Variants in CDKL5 observed in about 807,000 individuals in gnomAD.
CDKL5 encodes cyclin-dependent kinase-like 5.
Under a neutral mutation model 61.7 loss-of-function variants are expected in CDKL5, and 8 were observed. That is an observed-to-expected ratio of 0.13 (90% confidence interval 0.08 to 0.23). CDKL5 has a LOEUF of 0.23. Ranked by LOEUF, CDKL5 falls within the 10% of genes least tolerant of loss-of-function variation. CDKL5 has a pLI of 1.00. For missense variants in CDKL5, 440 were observed against 734.5 expected (o/e 0.60, Z 4.63); for synonymous variants, 275 against 272.3 (o/e 1.01, Z -0.10).
At chrX:18,522,673 T>C (rs1218342681) in intron 3 of CDKL5, among the ~76,000 whole-genome samples, 1 of 110,880 alleles carries the variant, frequency 9.0e-6, no homozygotes, top group Admixed American at 9.7e-5. Context: ...GCTCTGTTAA[T>C]TTCTTTTTTA....
chrX:18,502,728 C>G (rs988385819), intron 1 of CDKL5, among the ~76,000 whole-genome samples: 14 of 111,816 alleles, frequency 1.3e-4, no homozygotes, highest in Non-Finnish European at 1.9e-4. Flanking sequence ...TTATCCGTGC[C>G]AGAACCACCC....
At chrX:18,564,392 C>T (rs1924895520) in intron 3 of CDKL5, 85 bp from the exon 4 acceptor site, 1 of 609,281 alleles carries the variant, frequency 1.6e-6, no homozygotes, top group Admixed American at 2.4e-5. Context: ...GCTACTCTGT[C>T]CCAGAATATA....
At chrX:18,531,806 A>AC (rs1221835364) in intron 3 of CDKL5, among the ~76,000 whole-genome samples, 1 of 106,609 alleles carries the variant, frequency 9.4e-6, no homozygotes, top group African/African-American at 3.5e-5. Context: ...TCCCGGGTTC[A>AC]CGCCATTCTC....
chrX:18,578,277 ACT>A (rs754571620), intron 5 of CDKL5, among the ~76,000 whole-genome samples: 1 of 112,041 alleles, frequency 8.9e-6, no homozygotes, highest in Non-Finnish European at 1.9e-5. Context: ...ATAAACAACA[ACT>A]CTTTTTTTAA....
intron 1 of CDKL5, among the ~76,000 whole-genome samples, chrX:18,457,999 GAAC>G (rs1171657198): frequency 1.2e-5 from 1 of 86,791 alleles, no homozygotes; most frequent in East Asian, 3.6e-4. Context: ...CGACTCACTG[GAAC>G]CTCCGCCTCC....
intron 1 of CDKL5, among the ~76,000 whole-genome samples, chrX:18,470,378 GA>G (rs1156261679): frequency 0.044 from 2,147 of 48,374 alleles, 38 homozygotes; most frequent in Non-Finnish European, 0.067. Flanking sequence ...AAGAAGAAAA[GA>G]AAAAAAAAAA....
intron 3 of CDKL5, among the ~76,000 whole-genome samples, chrX:18,548,711 A>G (rs371549645): frequency 6.3e-5 from 7 of 111,946 alleles, no homozygotes; most frequent in African/African-American, 1.9e-4. Flanking sequence ...TTTCTGTTCT[A>G]TACGTCACAG....
chrX:18,561,558 T>G (rs1156738869), intron 3 of CDKL5, among the ~76,000 whole-genome samples: 1 of 111,056 alleles, frequency 9.0e-6, no homozygotes, highest in African/African-American at 3.3e-5. Context: ...GTCAATAACC[T>G]CAGATTAATT....
chrX:18,620,437 A>G (rs1417103017), intron 16 of CDKL5, among the ~76,000 whole-genome samples: 1 of 112,123 alleles, frequency 8.9e-6, no homozygotes, highest in African/African-American at 3.2e-5. Context: ...TATAGTCACA[A>G]AGATCGTATC....
chrX:18,447,185 A>G (rs1366512801), intron 1 of CDKL5, among the ~76,000 whole-genome samples: 3 of 110,016 alleles, frequency 2.7e-5, no homozygotes, highest in Admixed American at 9.7e-5. Context: ...TAGATATCCT[A>G]CAATGTACAG....
At chrX:18,466,954 C>T (rs1920966304) in intron 1 of CDKL5, among the ~76,000 whole-genome samples, 2 of 111,580 alleles carry the variant, frequency 1.8e-5, no homozygotes, top group African/African-American at 3.3e-5. Context: ...CTGGAAACTT[C>T]GTTGGGAGAG....
In CDKL5 at chrX:18,631,857, G is replaced by A; in HGVS notation, c.*3100G>A. ...CCAAAAGGGAGTGCTTCATGCTGAGGGGCTCAAGTGAGCTGACTCTACAAC... is the reference window on the plus strand; with the variant it reads ...CCAAAAGGGAGTGCTTCATGCTGAGAGGCTCAAGTGAGCTGACTCTACAAC... On this transcript the variant is annotated 3_prime_UTR_variant, in exon 18 of 18. Coordinates refer to ENST00000623535, the MANE Select transcript of CDKL5 (RefSeq NM_001323289.2). 1.3e-6 allele frequency: 1 copy of A among 754,050 alleles called. No homozygotes were observed. Among genetic ancestry groups the A allele is most frequent in the Non-Finnish European group, 1.6e-6 (1 of 639,182 alleles). 62.1% of individuals were successfully genotyped at this position (754,050 alleles called of 1,213,427 possible).
At chrX:18,608,955 C>G (rs1205989781) in intron 13 of CDKL5, 43 bp downstream of exon 13, 1 of 860,329 alleles carries the variant, frequency 1.2e-6, no homozygotes. Flanking sequence ...TGTTCAACAT[C>G]ATTACTGCCT....
At position 18,636,933 on chromosome X, in the gene CDKL5, C is replaced by T. The variant is rs1221507871; in HGVS notation, c.*8176C>T. 4.5e-5 allele frequency: 5 copies of T among 112,150 alleles called. No homozygotes were observed. The highest frequency in any genetic ancestry group is 3.2e-5 in the African/African-American group (1 of 30,842). The allele number at this position is 112,150 out of a possible 1,213,427, so 9.2% of individuals were successfully genotyped here. A position where few individuals can be genotyped will look rare whatever the true frequency, so the allele number is the denominator to read the frequency against. ...AATAGAACACTTCATTGAAACAAGTCACTGGAGGTCCTCTGGGGATGCAGC... is the reference window on the plus strand; with the variant it reads ...AATAGAACACTTCATTGAAACAAGTTACTGGAGGTCCTCTGGGGATGCAGC... On this transcript the variant is annotated 3_prime_UTR_variant, in exon 18 of 18. Transcript: ENST00000623535.
In CDKL5 at chrX:18,630,595, C is replaced by T; in HGVS notation, c.*1838C>T. ...GACTAAGGTCCTAGTTTCCCTGAAG[C>T]TTAAATTGTGCACATATTGCATTTT... On this transcript the variant is annotated 3_prime_UTR_variant, in exon 18 of 18. Transcript: ENST00000623535. 2 of 747,971 alleles carry T rather than the reference C, an allele frequency of 2.7e-6. No individual in the cohort carries two copies. The highest frequency in any genetic ancestry group is 4.6e-5 in the African/African-American group (2 of 43,269). The allele number at this position is 747,971 out of a possible 1,213,427, so 61.6% of individuals were successfully genotyped here.
chrX:18,486,843 A>G (rs1178015897), intron 1 of CDKL5, among the ~76,000 whole-genome samples: 2 of 111,778 alleles, frequency 1.8e-5, no homozygotes, highest in African/African-American at 6.5e-5. Context: ...ATTTTATTTA[A>G]TGAGTAAATT....
intron 1 of CDKL5, among the ~76,000 whole-genome samples, chrX:18,428,988 C>A (rs183294165): frequency 2.8e-4 from 31 of 110,833 alleles, no homozygotes; most frequent in African/African-American, 9.5e-4. Context: ...AGGTTTTGAT[C>A]GTTTTTAGAA....
chrX:18,528,712 C>T (rs1602242773), intron 3 of CDKL5, among the ~76,000 whole-genome samples: 1 of 111,521 alleles, frequency 9.0e-6, no homozygotes, highest in African/African-American at 3.3e-5. Flanking sequence ...TGGTTCACTG[C>T]AGCCTCCGCC....
chrX:18,602,613 G>C (rs778652716), intron 11 of CDKL5, among the ~76,000 whole-genome samples: 2 of 111,190 alleles, frequency 1.8e-5, no homozygotes, highest in African/African-American at 6.5e-5. Flanking sequence ...AGGCTTGCTC[G>C]ATATCAGATT....
Sources: gnomAD v4.1 joint callset for allele counts (sites outside exome capture counted in the v4.1 genomes callset) on GRCh38, gnomAD v4.1.1 for gene constraint, MANE v1.5 for transcripts, NCBI Gene and HGNC (gene_info 2026-07-23, HGNC 2026-07-21) for gene names.